PACS1: variants seen among roughly 807,000 people sequenced by gnomAD.
PACS1 encodes the protein phosphofurin acidic cluster sorting protein 1, also known as PACS-1.
A neutral mutation model predicts 115.0 loss-of-function variants in PACS1; 24 were observed. The observed-to-expected ratio is 0.21, with a 90% confidence interval of 0.15 to 0.29. The LOEUF (loss-of-function observed/expected upper bound fraction) is 0.29, where lower values mean the gene tolerates loss of function less well. Ranked by LOEUF, PACS1 falls within the 10% of genes least tolerant of loss-of-function variation. The probability of loss-of-function intolerance (pLI) is 1.00; values close to 1 mark genes in which losing one functional copy is unlikely to be tolerated. For synonymous variants in PACS1, 453 were observed against 504.5 expected, an observed-to-expected ratio of 0.90 and a Z score of 1.37; for missense variants, 838 against 1,251.2, an observed-to-expected ratio of 0.67 and a Z score of 4.98.
Position 66,233,111 on chromosome 11 carries a change from T to A in PACS1, c.1838+45T>A. The A allele has an allele frequency of 7.2e-7, 1 of 1,391,294 alleles. No individual in the cohort carries two copies. Among genetic ancestry groups the A allele is most frequent in the African/African-American group, 1.4e-5 (1 of 70,900 alleles). 86.2% of individuals were successfully genotyped at this position (1,391,294 alleles called of 1,614,324 possible). A position where few individuals can be genotyped will look rare whatever the true frequency, so the allele number is the denominator to read the frequency against. ...TTCTCCTGCCCTTAGAGATTCCCTC[T>A]GACCTCATCTTCCAACCCTGACTTC... On this transcript the variant is annotated intron_variant, in intron 15 of 23. Coordinates refer to ENST00000320580, the MANE Select transcript of PACS1 (RefSeq NM_018026.4). This position sits in a 1 kb window ranked among gnomAD's most constrained non-coding sequence, Gnocchi z 4.5.
chr11:66,211,228 C>A lies in PACS1; in HGVS notation c.629C>A (p.Thr210Asn). 1 of 1,613,778 alleles carries A rather than the reference C, an allele frequency of 6.2e-7. No individual in the cohort carries two copies. The highest frequency in any genetic ancestry group is 8.5e-7 in the Non-Finnish European group (1 of 1,179,716). The change falls in exon 4 of 24, where the codon ACC becomes AAC. Residue 210 changes from threonine to asparagine, a missense_variant. Around this residue, in one of 6 missense-constraint regions of PACS1, gnomAD observed 223 missense variants for 354.0 expected, o/e 0.63. Coordinates refer to ENST00000320580, the MANE Select transcript of PACS1 (RefSeq NM_018026.4). Reference protein sequence around the residue: ...YKNRTILGYKTLAVGLINMAE... With the variant: ...YKNRTILGYKNLAVGLINMAE... The stretch of plus-strand genomic sequence containing the variant: ...AATCGGACCATCTTGGGCTATAAGA[C>A]CTTGGCCGTGGGACTCATCAACATG...
At chr11:66,155,961 C>T (rs1260092291) in intron 1 of PACS1, among the ~76,000 whole-genome samples, 1 of 151,684 alleles carries the variant, frequency 6.6e-6, no homozygotes, top group African/African-American at 2.4e-5. Context: ...CAGAGGTGTA[C>T]ATGCTGTATA....
At chr11:66,085,200 G>GT (rs35223001) in intron 1 of PACS1, among the ~76,000 whole-genome samples, 188 of 152,164 alleles carry the variant, frequency 1.2e-3, no homozygotes, top group Non-Finnish European at 2.4e-3. Context: ...AACTGTAAGA[G>GT]TTTTTTTCTT....
intron 1 of PACS1, among the ~76,000 whole-genome samples, chr11:66,094,075 A>AT (rs1487447088): frequency 1.3e-5 from 2 of 151,028 alleles, no homozygotes; most frequent in Non-Finnish European, 3.0e-5. Context: ...ATAGCACTAA[A>AT]TGCCCACAAG....
chr11:66,240,010 CCTTTT>C (rs2134750061), intron 21 of PACS1, among the ~76,000 whole-genome samples: 1 of 152,342 alleles, frequency 6.6e-6, no homozygotes, highest in Admixed American at 6.5e-5. Context: ...CTAGTGTCTT[CCTTTT>C]TTCTTCTTTT....
intron 4 of PACS1, among the ~76,000 whole-genome samples, chr11:66,214,032 C>CAAAAAAAA (rs71036278): frequency 9.3e-5 from 4 of 42,980 alleles, no homozygotes; most frequent in Admixed American, 3.4e-4. Context: ...GACTCCATCT[C>CAAAAAAAA]AAAAAAAAAA....
chr11:66,161,767 G>A (rs1325474670), intron 1 of PACS1, among the ~76,000 whole-genome samples: 2 of 151,670 alleles, frequency 1.3e-5, no homozygotes, highest in African/African-American at 2.4e-5. Flanking sequence ...TTTTTCCTAC[G>A]GAAAAACCCT....
intron 23 of PACS1, 33 bp from the exon 24 acceptor site, chr11:66,243,132 G>A (rs374036910): frequency 1.9e-6 from 3 of 1,611,788 alleles, no homozygotes; most frequent in Non-Finnish European, 8.5e-7. Flanking sequence ...GGCCTGAGCA[G>A]TCTGGTCACC....
intron 8 of PACS1, chr11:66,220,353 C>T: frequency 2.3e-6 from 1 of 433,264 alleles, no homozygotes; most frequent in East Asian, 4.1e-5. Flanking sequence ...GTAGGAAGAA[C>T]CCACATGGGC....
intron 1 of PACS1, among the ~76,000 whole-genome samples, chr11:66,139,086 T>C (rs1034667509): frequency 1.3e-5 from 2 of 152,220 alleles, no homozygotes; most frequent in Non-Finnish European, 2.9e-5. Context: ...ATTTACAGCC[T>C]GTTATGAAAC....
rs1223974736 is a variant in PACS1, at chr11:66,238,832, C to A, written c.2279C>A (p.Ser760Tyr). ...GVVKVGLVED[S>Y]PSTAGDGDDS... Reference sequence around the variant, plus strand: ...GTGAAGGTGGGTCTGGTTGAAGACTCTCCCTCCACAGCAGGTGAGGCTGGG... The same window carrying A: ...GTGAAGGTGGGTCTGGTTGAAGACTATCCCTCCACAGCAGGTGAGGCTGGG... The change falls in exon 20 of 24, where the codon TCT becomes TAT. Residue 760 changes from serine (S) to tyrosine (Y), a missense_variant. This residue lies in a region of PACS1 where 383 missense variants were observed against 537.0 expected (regional missense o/e 0.71). Coordinates refer to ENST00000320580, the MANE Select transcript of PACS1 (RefSeq NM_018026.4). 6.3e-7 allele frequency: 1 copy of A among 1,585,586 alleles called. No homozygotes were observed.
intron 1 of PACS1, among the ~76,000 whole-genome samples, chr11:66,165,915 A>C (rs140445690): frequency 6.6e-6 from 1 of 152,006 alleles, no homozygotes; most frequent in African/African-American, 2.4e-5. Context: ...CTTCAGAACA[A>C]ACTTCTTCCT....
At chr11:66,179,953 G>A (rs1297118948) in intron 1 of PACS1, among the ~76,000 whole-genome samples, 2 of 152,058 alleles carry the variant, frequency 1.3e-5, no homozygotes, top group Non-Finnish European at 2.9e-5. Context: ...CCAGGTTCAA[G>A]TGATTCTCAT....
chr11:66,136,750 C>T (rs576420094), intron 1 of PACS1, among the ~76,000 whole-genome samples: 1 of 152,060 alleles, frequency 6.6e-6, no homozygotes, highest in African/African-American at 2.4e-5. Context: ...TATGGACTGC[C>T]CGAATTATTA....
At chr11:66,074,363 G>A (rs542376106) in intron 1 of PACS1, among the ~76,000 whole-genome samples, 4 of 152,298 alleles carry the variant, frequency 2.6e-5, no homozygotes, top group African/African-American at 9.6e-5. Flanking sequence ...GTGGTGCAGG[G>A]TTATGGGGAC....
chr11:66,105,608 A>T lies in PACS1; in HGVS notation c.356+34766A>T, dbSNP rs187618672. On this transcript the variant is annotated intron_variant, in intron 1 of 23. Coordinates refer to ENST00000320580, the MANE Select transcript of PACS1 (RefSeq NM_018026.4). ...ATTTTTGGTGGTTTTTCTCTCCAAA[A>T]TTTTCTTTAATACTATTGCTTACTC... 4.9e-3 allele frequency among the ~76,000 whole-genome samples: 740 copies of T among 152,274 alleles called. 9 individuals are homozygous for T. Among genetic ancestry groups the T allele is most frequent in the African/African-American group, 0.015 (612 of 41,558 alleles).
At chr11:66,199,658 A>G (rs2134682478) in intron 2 of PACS1, among the ~76,000 whole-genome samples, 1 of 152,356 alleles carries the variant, frequency 6.6e-6, no homozygotes, top group Middle Eastern at 3.4e-3. Context: ...TTACTTATCA[A>G]TAATAACATT....
intron 1 of PACS1, among the ~76,000 whole-genome samples, chr11:66,161,357 G>A (rs939301368): frequency 1.3e-5 from 2 of 152,106 alleles, no homozygotes; most frequent in Admixed American, 6.6e-5. Context: ...GAGGCTGAGG[G>A]AGTTAGGATC....
intron 1 of PACS1, among the ~76,000 whole-genome samples, chr11:66,134,262 T>TTC (rs1484243709): frequency 4.3e-5 from 5 of 116,762 alleles, no homozygotes; most frequent in East Asian, 2.3e-4. Context: ...TTCTTTTTTT[T>TTC]TTTTTTTTTT....
Sources: gnomAD v4.1 joint callset for allele counts (sites outside exome capture counted in the v4.1 genomes callset) on GRCh38, gnomAD v4.1.1 for gene constraint, gnomAD v4.1.1 regional missense constraint, Gnocchi (gnomAD v3.1) non-coding constraint, MANE v1.5 for transcripts, NCBI Gene and HGNC (gene_info 2026-07-23, HGNC 2026-07-21) for gene names.